The following DPP6 variants were observed in gnomAD, a reference collection of about 807,000 sequenced individuals.
DPP6 encodes the protein A-type potassium channel modulatory protein DPP6.
DPP6 carries 69 observed loss-of-function variants against 122.6 expected under a neutral mutation model. The ratio of observed to expected loss-of-function variants is 0.56; its 90% CI spans 0.46 to 0.69. The LOEUF (loss-of-function observed/expected upper bound fraction) is 0.69, where lower values mean the gene tolerates loss of function less well. Among genes scored for constraint, DPP6 ranks in the 30% least tolerant of loss-of-function variants. The pLI, the probability that DPP6 is intolerant of heterozygous loss-of-function variation, is 0.00. For missense variants in DPP6, 928 were observed against 1,116.9 expected, an observed-to-expected ratio of 0.83 and a Z score of 2.41; for synonymous variants, 418 against 433.1, an observed-to-expected ratio of 0.97 and a Z score of 0.43.
chr7:154,572,516 T>C (rs1354863877), intron 5 of DPP6, among the ~76,000 whole-genome samples: 1 of 48,624 alleles, frequency 2.1e-5, no homozygotes, highest in African/African-American at 7.2e-5. Flanking sequence ...TTTTCTTTTT[T>C]TTTTTTTTTT....
chr7:153,895,856 T>A (rs188747555), intron 1 of DPP6, among the ~76,000 whole-genome samples: 1 of 152,166 alleles, frequency 6.6e-6, no homozygotes, highest in South Asian at 2.1e-4. Context: ...TGCAATCACT[T>A]TGACTGCTTG....
chr7:154,181,057 T>C (rs374940775), intron 1 of DPP6, among the ~76,000 whole-genome samples: 1 of 152,154 alleles, frequency 6.6e-6, no homozygotes, highest in South Asian at 2.1e-4. Flanking sequence ...CTGTGTTGCT[T>C]AACTTGCGAC....
intron 1 of DPP6, among the ~76,000 whole-genome samples, chr7:154,130,556 G>C (rs897641373): frequency 3.9e-5 from 6 of 152,200 alleles, no homozygotes; most frequent in African/African-American, 1.4e-4. Context: ...GATGCCATGA[G>C]GGAAAGCGTA....
At chr7:154,158,286 G>A (rs1796797365) in intron 1 of DPP6, among the ~76,000 whole-genome samples, 1 of 151,310 alleles carries the variant, frequency 6.6e-6, no homozygotes. Flanking sequence ...TCTTTTCTCA[G>A]AGTTCATGGA....
chr7:154,758,705 G>A (rs6968226), intron 8 of DPP6, among the ~76,000 whole-genome samples: 2,446 of 152,230 alleles, frequency 0.016, 65 homozygotes, highest in African/African-American at 0.055. Context: ...GACATTGAAT[G>A]TTTAGAACTG....
intron 15 of DPP6, among the ~76,000 whole-genome samples, chr7:154,805,461 G>A (rs1798640737): frequency 6.6e-6 from 1 of 152,104 alleles, no homozygotes; most frequent in Admixed American, 6.5e-5. Context: ...CAGTTTGGAA[G>A]CAGTCTAAAG....
chr7:154,031,173 T>A (rs1176525840), intron 1 of DPP6, among the ~76,000 whole-genome samples: 2 of 152,090 alleles, frequency 1.3e-5, no homozygotes, highest in Non-Finnish European at 2.9e-5. Context: ...AATGATGATG[T>A]GTGTTTAATG....
chr7:154,050,173 GT>G (rs1159468529), upstream of DPP6, among the ~76,000 whole-genome samples: 2 of 152,110 alleles, frequency 1.3e-5, no homozygotes, highest in Non-Finnish European at 2.9e-5. Context: ...TTGCTTATGA[GT>G]TTTATGGTGA....
chr7:154,156,112 A>G (rs1796665322), intron 1 of DPP6, among the ~76,000 whole-genome samples: 1 of 151,838 alleles, frequency 6.6e-6, no homozygotes, highest in South Asian at 2.1e-4. Context: ...CGCCCCATGC[A>G]TGAGTCAACC....
At chr7:154,352,179 C>A (rs1034645433) in intron 1 of DPP6, among the ~76,000 whole-genome samples, 1 of 152,050 alleles carries the variant, frequency 6.6e-6, no homozygotes, top group South Asian at 2.1e-4. Flanking sequence ...ACATTAAAGA[C>A]AAGGCCGGGC....
intron 8 of DPP6, among the ~76,000 whole-genome samples, chr7:154,745,046 C>T (rs1048175750): frequency 6.6e-6 from 1 of 152,254 alleles, no homozygotes; most frequent in Non-Finnish European, 1.5e-5. Context: ...AAATGCTGGG[C>T]TATAGCCTGG....
intron 3 of DPP6, among the ~76,000 whole-genome samples, chr7:154,534,766 A>G (rs1390154403): frequency 6.6e-6 from 1 of 152,176 alleles, no homozygotes; most frequent in South Asian, 2.1e-4. Context: ...GGAATAAGCA[A>G]TATTTTTTAA....
At chr7:153,983,339 T>G (rs191453674) in intron 1 of DPP6, among the ~76,000 whole-genome samples, 156 of 152,360 alleles carry the variant, frequency 1.0e-3, no homozygotes, top group Middle Eastern at 3.4e-3. Flanking sequence ...TGGCTTTGTT[T>G]ACACTGTGAG....
chr7:154,696,710 CG>C lies in DPP6; in HGVS notation c.762+27270del, dbSNP rs569561203. Among the ~76,000 whole-genome samples the C allele has an allele frequency of 3.3e-4, 50 of 152,316 alleles. No homozygotes were observed. In the South Asian group the frequency reaches 9.1e-3, roughly 28 times the overall value. On this transcript the variant is annotated intron_variant, in intron 7 of 25. Transcript: ENST00000377770. Reference sequence around the variant, plus strand: ...TCCTCTAATATGGATATCAACATAGCGCCCACCTCATGGGCTTATGAGGATG... The same window carrying C: ...TCCTCTAATATGGATATCAACATAGCCCCACCTCATGGGCTTATGAGGATG...
At chr7:154,771,934 C>T (rs1006455123) in intron 9 of DPP6, among the ~76,000 whole-genome samples, 1 of 152,178 alleles carries the variant, frequency 6.6e-6, no homozygotes, top group Non-Finnish European at 1.5e-5. Flanking sequence ...AGCCACCCCA[C>T]CCGCCAGAAG....
intron 3 of DPP6, among the ~76,000 whole-genome samples, chr7:154,492,767 C>T (rs1198867870): frequency 6.6e-6 from 1 of 152,070 alleles, no homozygotes; most frequent in Non-Finnish European, 1.5e-5. Flanking sequence ...TCGATGTGGA[C>T]CCTACACCAT....
chr7:154,163,436 T>C (rs983112386), intron 1 of DPP6, among the ~76,000 whole-genome samples: 2 of 152,268 alleles, frequency 1.3e-5, no homozygotes, highest in African/African-American at 4.8e-5. Context: ...CCTTTAATTA[T>C]CTTTAGTATC....
intron 3 of DPP6, among the ~76,000 whole-genome samples, chr7:154,487,473 C>A (rs1450288428): frequency 6.6e-6 from 1 of 152,300 alleles, no homozygotes; most frequent in East Asian, 1.9e-4. Flanking sequence ...CTGGGGCAGG[C>A]GGTTTTCTGC....
chr7:154,014,138 A>C (rs1798287272), intron 1 of DPP6, among the ~76,000 whole-genome samples: 1 of 151,148 alleles, frequency 6.6e-6, no homozygotes, highest in Non-Finnish European at 1.5e-5. Context: ...GGGCTAAAAT[A>C]AAAAGACCCT....
Sources: gnomAD v4.1 joint callset for allele counts (sites outside exome capture counted in the v4.1 genomes callset) on GRCh38, gnomAD v4.1.1 for gene constraint, MANE v1.5 for transcripts, NCBI Gene and HGNC (gene_info 2026-07-23, HGNC 2026-07-21) for gene names.